The following EPG5 variants were observed in gnomAD, a reference collection of about 807,000 sequenced individuals.
EPG5 encodes the protein ectopic P granules protein 5 homolog.
EPG5 carries 159 observed loss-of-function variants against 302.7 expected under a neutral mutation model. That is an observed-to-expected ratio of 0.53 (90% CI 0.46 to 0.60). The LOEUF (loss-of-function observed/expected upper bound fraction) is 0.60, where lower values mean the gene tolerates loss of function less well. Among genes scored for constraint, EPG5 ranks in the 20% least tolerant of loss-of-function variants. EPG5 has a pLI of 0.00. For missense variants in EPG5, 2,896 were observed against 3,092.4 expected (o/e 0.94, Z 1.51); for synonymous variants, 1,158 against 1,136.8 (o/e 1.02, Z -0.37).
At chr18:45,825,149 G>T in the EPG5 span, among the ~76,000 whole-genome samples, 3 of 127,270 alleles carry the variant, frequency 2.4e-5, no homozygotes, top group Non-Finnish European at 5.1e-5. Context: ...GAGGGAGGGA[G>T]GGAAGGAAGG....
chr18:45,830,536 G>A, the EPG5 span, among the ~76,000 whole-genome samples: 3 of 150,402 alleles, frequency 2.0e-5, no homozygotes, highest in African/African-American at 7.3e-5. Context: ...TCAGTTTTCT[G>A]AATACCTAAA....
intron 39 of EPG5, among the ~76,000 whole-genome samples, chr18:45,862,758 A>T (rs1180342771): frequency 3.9e-5 from 6 of 152,240 alleles, no homozygotes; most frequent in Admixed American, 6.5e-5. Flanking sequence ...CAGAACCATA[A>T]GCCAATTAAA....
chr18:45,812,904 C>A, the EPG5 span, among the ~76,000 whole-genome samples: 1 of 152,234 alleles, frequency 6.6e-6, no homozygotes, highest in East Asian at 1.9e-4. Flanking sequence ...GCAACAAAAG[C>A]CAAAATTGAC....
chr18:45,935,729 G>A (rs930586815), intron 10 of EPG5, among the ~76,000 whole-genome samples: 6 of 152,084 alleles, frequency 3.9e-5, no homozygotes, highest in Non-Finnish European at 7.4e-5. Flanking sequence ...GAGGAAAATC[G>A]AAATCCATCC....
At chr18:45,817,031 CTT>C in the EPG5 span, among the ~76,000 whole-genome samples, 5 of 152,260 alleles carry the variant, frequency 3.3e-5, no homozygotes, top group South Asian at 4.1e-4. Flanking sequence ...AACCAAACAC[CTT>C]ATGTTCTCAC....
intron 13 of EPG5, 110 bp from the exon 14 acceptor site, chr18:45,926,012 TG>T: frequency 1.5e-6 from 1 of 656,780 alleles, no homozygotes; most frequent in East Asian, 3.5e-5. Flanking sequence ...CAAAAGGAAC[TG>T]GAGTTTTTGT....
intron 7 of EPG5, among the ~76,000 whole-genome samples, chr18:45,945,551 G>A (rs1046364992): frequency 1.3e-5 from 2 of 152,066 alleles, no homozygotes; most frequent in African/African-American, 4.8e-5. Flanking sequence ...TATTTTGACT[G>A]GAAGTATTTA....
chr18:45,913,647 C>T, intron 21 of EPG5, 59 bp downstream of exon 21: 2 of 1,593,938 alleles, frequency 1.3e-6, no homozygotes, highest in Non-Finnish European at 1.7e-6. Context: ...CGGGTGAATC[C>T]ATCAGCATCA....
chr18:45,825,831 G>A, the EPG5 span: 1 of 1,594,180 alleles, frequency 6.3e-7, no homozygotes, highest in Non-Finnish European at 8.6e-7. Flanking sequence ...AATAGATGCT[G>A]AAAGCATCTT....
At chr18:45,923,854 C>T (rs1462576206) in intron 14 of EPG5, among the ~76,000 whole-genome samples, 1 of 152,014 alleles carries the variant, frequency 6.6e-6, no homozygotes, top group African/African-American at 2.4e-5. Flanking sequence ...CATGGTGAAA[C>T]CTTGTCTCTA....
At chr18:45,953,623 G>T (rs2050959139) in intron 2 of EPG5, 1 of 985,132 alleles carries the variant, frequency 1.0e-6, no homozygotes, top group Admixed American at 6.1e-5. Context: ...CCTCCATAGG[G>T]TTGCATCTAA....
intron 38 of EPG5, 60 bp from the exon 39 acceptor site, chr18:45,865,819 A>G (rs1373479428): frequency 5.2e-6 from 8 of 1,550,210 alleles, no homozygotes; most frequent in Non-Finnish European, 7.0e-6. Context: ...TGTTAACTGC[A>G]TATTTCCTGG....
Position 45,858,720 on chromosome 18 carries a change from T to C in EPG5, c.7072A>G (p.Thr2358Ala). The change falls in exon 41 of 44, where the codon ACC (threonine) becomes GCC (alanine). Residue 2358 changes from threonine (T) to alanine (A), a missense_variant. Thr to Ala is a moderately conservative substitution (Grantham distance 58, BLOSUM62 0). Transcript: ENST00000282041. ...CACTCCTGCAGGAACTCTTCCATGG[T>C]GAGCTCGGGAACCTGAAGGGATACC... ...ILVSLQVPEL[T>A]MEEFLQECLT... 6.2e-7 allele frequency: 1 copy of C among 1,614,144 alleles called. No homozygotes were observed. Among genetic ancestry groups the C allele is most frequent in the Non-Finnish European group, 8.5e-7 (1 of 1,180,034 alleles).
chr18:45,836,750 C>T, the EPG5 span, among the ~76,000 whole-genome samples: 1 of 152,234 alleles, frequency 6.6e-6, no homozygotes, highest in Non-Finnish European at 1.5e-5. Flanking sequence ...CTTGGGTATA[C>T]CTGAATTCTA....
At chr18:45,819,352 C>G in the EPG5 span, among the ~76,000 whole-genome samples, 1 of 152,114 alleles carries the variant, frequency 6.6e-6, no homozygotes, top group African/African-American at 2.4e-5. Flanking sequence ...TTTCCCTCTG[C>G]TTGGCAGGCT....
chr18:45,819,952 GAGGCCATCATC>G, the EPG5 span, among the ~76,000 whole-genome samples: 3 of 152,258 alleles, frequency 2.0e-5, no homozygotes, highest in South Asian at 6.2e-4. Context: ...ATACCATAAG[GAGGCCATCATC>G]ATCCTCATTT....
chr18:45,810,376 C>T, the EPG5 span, among the ~76,000 whole-genome samples: 3 of 152,304 alleles, frequency 2.0e-5, no homozygotes, highest in South Asian at 6.2e-4. Flanking sequence ...AAGCCAGCAT[C>T]ATCCTAACAC....
chr18:45,814,020 G>T, the EPG5 span, among the ~76,000 whole-genome samples: 1 of 151,894 alleles, frequency 6.6e-6, no homozygotes, highest in African/African-American at 2.4e-5. Flanking sequence ...AATGGGAGAG[G>T]TTATCTACAT....
rs544658971 is a variant in EPG5 at position 45,848,874 on chromosome 18, G to C, written c.*3593C>G. 4.6e-5 allele frequency: 7 copies of C among 152,414 alleles called. 1 individual carries two copies. The East Asian group carries it at 1.4e-3, about 29-fold the overall frequency. The allele number at this position is 152,414 out of a possible 1,614,324, so 9.4% of individuals were successfully genotyped here. On this transcript the variant is annotated 3_prime_UTR_variant, in exon 44 of 44. Coordinates refer to ENST00000282041, the MANE Select transcript of EPG5 (RefSeq NM_020964.3). ...CGGGGCGGGCGGACCACAAGGTCAG[G>C]AGTTTGAAACCAGCTTGTCTCAATG...
Sources: allele counts gnomAD v4.1 joint callset (sites outside exome capture counted in the v4.1 genomes callset), GRCh38; gene constraint gnomAD v4.1.1; transcripts MANE v1.5; gene names NCBI Gene and HGNC (gene_info 2026-07-23, HGNC 2026-07-21).